AGBL1: variants seen among roughly 807,000 people sequenced by gnomAD.
AGBL1 encodes AGBL carboxypeptidase 1.
Under a neutral mutation model 118.9 loss-of-function variants are expected in AGBL1, and 130 were observed. That is an observed-to-expected ratio of 1.09 (90% confidence interval 0.95 to 1.26). The LOEUF (loss-of-function observed/expected upper bound fraction) is 1.26, where lower values mean the gene tolerates loss of function less well. AGBL1 is among the 50% of genes most tolerant of loss of function. The pLI, the probability that AGBL1 is intolerant of heterozygous loss-of-function variation, is 0.00. For missense variants in AGBL1, 1,584 were observed against 1,298.1 expected (o/e 1.22, Z -3.38); for synonymous variants, 555 against 478.9 (o/e 1.16, Z -2.08).
At chr15:86,581,304 G>A (rs1165253990) in intron 21 of AGBL1, among the ~76,000 whole-genome samples, 1 of 152,016 alleles carries the variant, frequency 6.6e-6, no homozygotes, top group Non-Finnish European at 1.5e-5. Flanking sequence ...TATCTTAAAC[G>A]TTTTTCTCAA....
Position 86,613,456 on chromosome 15 carries a change from G to A in AGBL1, c.2994+58919G>A, listed in dbSNP as rs1396529771. Among the ~76,000 whole-genome samples the A allele has an allele frequency of 6.6e-6, 1 of 152,172 alleles. No homozygotes were observed. Among genetic ancestry groups the A allele is most frequent in the Non-Finnish European group, 1.5e-5 (1 of 68,034 alleles). ...AGATGAGTGGCAGGAGGAGCTGTGG[G>A]CATTTAGCTCAGACAGAGAAGGCTT... On this transcript the variant is annotated intron_variant, in intron 21 of 22. Coordinates refer to ENST00000614907, the MANE Select transcript of AGBL1 (RefSeq NM_001386094.1). The surrounding 1 kb of genome is among the most constrained non-coding windows in gnomAD (Gnocchi z 4.2).
At chr15:86,357,794 T>A (rs768926272) in intron 17 of AGBL1, among the ~76,000 whole-genome samples, 26 of 152,144 alleles carry the variant, frequency 1.7e-4, no homozygotes, top group Non-Finnish European at 3.5e-4. Flanking sequence ...TGTGAACAAT[T>A]TTAAAATTAA....
intron 22 of AGBL1, among the ~76,000 whole-genome samples, chr15:86,864,840 G>T (rs999382400): frequency 2.6e-5 from 4 of 152,174 alleles, no homozygotes; most frequent in Non-Finnish European, 5.9e-5. Flanking sequence ...CTGTGCTATG[G>T]ATGTCTATGA....
chr15:86,498,281 C>T (rs2082877719), intron 18 of AGBL1, among the ~76,000 whole-genome samples: 1 of 151,830 alleles, frequency 6.6e-6, no homozygotes, highest in Admixed American at 6.6e-5. Flanking sequence ...GGTTGGCAGG[C>T]TTCAATAACT....
Position 86,674,324 on chromosome 15 carries a change from T to G in AGBL1, c.3046T>G (p.Leu1016Val). Residue 1016 changes from leucine to valine, a missense_variant, in exon 22 of 23, where the codon TTG (leucine) becomes GTG (valine). Transcript: ENST00000614907. ...ELEEMGAMFC[L>V]GLLILELKSA... Reference sequence around the variant, plus strand: ...GGAGGAGATGGGAGCCATGTTCTGTTTGGGCCTCCTCATCCTGGAGCTCAA... The same window carrying G: ...GGAGGAGATGGGAGCCATGTTCTGTGTGGGCCTCCTCATCCTGGAGCTCAA... 6.2e-7 allele frequency: 1 copy of G among 1,612,164 alleles called. No homozygotes were observed. Among genetic ancestry groups the G allele is most frequent in the Non-Finnish European group, 8.5e-7 (1 of 1,179,176 alleles).
intron 22 of AGBL1, among the ~76,000 whole-genome samples, chr15:86,766,417 G>C (rs2078097711): frequency 6.6e-6 from 1 of 151,904 alleles, no homozygotes; most frequent in African/African-American, 2.4e-5. Flanking sequence ...GGAGGATTTT[G>C]TAGGTCTAAC....
At chr15:86,661,363 T>C (rs1436045168) in intron 21 of AGBL1, among the ~76,000 whole-genome samples, 2 of 151,996 alleles carry the variant, frequency 1.3e-5, no homozygotes, top group South Asian at 4.2e-4. Flanking sequence ...CCTTCAAGAA[T>C]TCAGACCATG....
intron 6 of AGBL1, among the ~76,000 whole-genome samples, chr15:86,245,387 C>T (rs1233696735): frequency 2.0e-5 from 3 of 152,088 alleles, no homozygotes; most frequent in East Asian, 1.9e-4. Flanking sequence ...TGAATGGTTT[C>T]GATGATGGAG....
chr15:86,142,670 C>T (rs1189247363), intron 2 of AGBL1, among the ~76,000 whole-genome samples: 2 of 152,100 alleles, frequency 1.3e-5, no homozygotes, highest in African/African-American at 2.4e-5. Flanking sequence ...CCCATAGATC[C>T]TCAGGATTAT....
rs559084351 is a variant in AGBL1 at position 86,333,202 on chromosome 15, A to G, written c.2374+37794A>G. Among the ~76,000 whole-genome samples the G allele has an allele frequency of 1.2e-3, 178 of 152,326 alleles. 1 individual carries two copies. Among genetic ancestry groups the G allele is most frequent in the African/African-American group, 3.9e-3 (162 of 41,584 alleles). ...AAATAAATCAGAAAAGAACTGAACAAAATTGAGACTCCAAAATCCATACAA... is the reference window on the plus strand; with the variant it reads ...AAATAAATCAGAAAAGAACTGAACAGAATTGAGACTCCAAAATCCATACAA... On this transcript the variant is annotated intron_variant, in intron 17 of 22. Transcript: ENST00000614907.
intron 17 of AGBL1, among the ~76,000 whole-genome samples, chr15:86,395,232 A>T (rs971919478): frequency 6.6e-6 from 1 of 152,036 alleles, no homozygotes; most frequent in Non-Finnish European, 1.5e-5. Flanking sequence ...ATGTTCCATC[A>T]TCTCTAGCCC....
At chr15:86,170,881 A>T (rs2077404670) in intron 5 of AGBL1, among the ~76,000 whole-genome samples, 1 of 113,550 alleles carries the variant, frequency 8.8e-6, no homozygotes, top group East Asian at 2.5e-4. Flanking sequence ...CTCAAAACCA[A>T]TGACAAAAAA....
At chr15:86,607,683 G>A in intron 21 of AGBL1, among the ~76,000 whole-genome samples, 1 of 152,082 alleles carries the variant, frequency 6.6e-6, no homozygotes. Context: ...ACATCTTTTT[G>A]TAAGCCTTTT....
intron 22 of AGBL1, among the ~76,000 whole-genome samples, chr15:86,736,956 T>C (rs1182579902): frequency 1.3e-5 from 2 of 152,212 alleles, no homozygotes; most frequent in Non-Finnish European, 2.9e-5. Context: ...AGAAGTCAAG[T>C]TCTCTGGAGG....
chr15:86,819,698 A>T (rs1392878076), intron 22 of AGBL1, among the ~76,000 whole-genome samples: 3 of 151,508 alleles, frequency 2.0e-5, no homozygotes, highest in African/African-American at 7.3e-5. Context: ...AATCTACATT[A>T]TGAAAATGGC....
intron 22 of AGBL1, among the ~76,000 whole-genome samples, chr15:86,805,246 C>G (rs1432373179): frequency 6.6e-6 from 1 of 151,540 alleles, no homozygotes; most frequent in African/African-American, 2.4e-5. Context: ...GAGCATCAGA[C>G]AAATAGACCC....
At chr15:86,802,212 A>G (rs1406375949) in intron 22 of AGBL1, among the ~76,000 whole-genome samples, 3 of 151,998 alleles carry the variant, frequency 2.0e-5, no homozygotes, top group African/African-American at 4.8e-5. Flanking sequence ...TTTGAATTAT[A>G]TTTTTTTAGA....
intron 18 of AGBL1, among the ~76,000 whole-genome samples, chr15:86,511,135 T>C (rs2083048034): frequency 6.6e-6 from 1 of 152,098 alleles, no homozygotes. Flanking sequence ...TTTTTGTCTT[T>C]TGAATATAAT....
chr15:86,706,562 C>T (rs977786229), intron 22 of AGBL1, among the ~76,000 whole-genome samples: 3 of 152,074 alleles, frequency 2.0e-5, no homozygotes, highest in Non-Finnish European at 4.4e-5. Context: ...GTAAAACTTG[C>T]TGCAACATGC....
Sources: gnomAD v4.1 joint callset for allele counts (sites outside exome capture counted in the v4.1 genomes callset) on GRCh38, gnomAD v4.1.1 for gene constraint, Gnocchi (gnomAD v3.1) non-coding constraint, MANE v1.5 for transcripts, NCBI Gene and HGNC (gene_info 2026-07-23, HGNC 2026-07-21) for gene names.